The following C1orf87 variants were observed in gnomAD, a reference collection of about 807,000 sequenced individuals.
C1orf87 encodes the protein uncharacterized protein C1orf87.
In C1orf87, 58 loss-of-function variants were observed where a neutral mutation model predicts 60.5. That is an observed-to-expected ratio of 0.96 (90% CI 0.78 to 1.19). The LOEUF (loss-of-function observed/expected upper bound fraction) is 1.19, where lower values mean the gene tolerates loss of function less well. Ranked by LOEUF, C1orf87 falls within the 50% of genes most tolerant of loss-of-function variation. The pLI is 0.00. For synonymous variants in C1orf87, 236 were observed against 227.4 expected, an observed-to-expected ratio of 1.04 and a Z score of -0.34; for missense variants, 673 against 638.6, an observed-to-expected ratio of 1.05 and a Z score of -0.58.
In C1orf87 at chr1:60,002,913, C is replaced by T. The variant is rs1359674715; in HGVS notation, c.1193-1757G>A. On this transcript the variant is annotated intron_variant, in intron 9 of 11. Coordinates refer to ENST00000371201, the MANE Select transcript of C1orf87 (RefSeq NM_152377.3). ...TCAACCATTGTGGAAGTCAGTGTGG[C>T]GATTCCTCAGGGATCTAGAACTGGA... Among the ~76,000 whole-genome samples the T allele has an allele frequency of 1.3e-5, 2 of 150,592 alleles. 1 individual carries two copies.
chr1:59,991,594 G>A (rs991147547), intron 11 of C1orf87, among the ~76,000 whole-genome samples: 1 of 152,086 alleles, frequency 6.6e-6, no homozygotes, highest in African/African-American at 2.4e-5. Flanking sequence ...TGTAGTTGCG[G>A]AATACAAAGA....
intron 8 of C1orf87, among the ~76,000 whole-genome samples, chr1:60,021,029 G>A (rs1207691533): frequency 6.6e-6 from 1 of 152,092 alleles, no homozygotes; most frequent in Non-Finnish European, 1.5e-5. Flanking sequence ...TTAAAACTGT[G>A]GCACTTCCCC....
rs75348361 is a variant in C1orf87, at chr1:60,041,291, C to T, written c.343-160G>A. On this transcript the variant is annotated intron_variant, in intron 3 of 11. Coordinates refer to ENST00000371201, the MANE Select transcript of C1orf87 (RefSeq NM_152377.3). ...ATGTATCATTGAGTCATTGAATCGT[C>T]GTGAAGAAATGTTGCCTTCATACCA... 7.2e-4 allele frequency among the ~76,000 whole-genome samples: 109 copies of T among 152,282 alleles called. 1 individual carries two copies. The East Asian group carries it at 0.012, about 17-fold the overall frequency.
intron 7 of C1orf87, among the ~76,000 whole-genome samples, chr1:60,031,973 A>C (rs1185359456): frequency 1.5e-5 from 2 of 136,546 alleles, no homozygotes; most frequent in Non-Finnish European, 3.2e-5. Flanking sequence ...TTGCATGTAT[A>C]ATATTCAAAC....
intron 7 of C1orf87, 38 bp from the exon 8 acceptor site, chr1:60,025,536 C>T: frequency 7.0e-7 from 1 of 1,433,266 alleles, no homozygotes; most frequent in Non-Finnish European, 9.6e-7. Context: ...TTTGATGTTT[C>T]ACTAGGATAC....
At chr1:60,045,107 A>G (rs1161852383) in intron 3 of C1orf87, among the ~76,000 whole-genome samples, 1 of 152,228 alleles carries the variant, frequency 6.6e-6, no homozygotes. Context: ...TCATCTTAAC[A>G]TTATGCAATG....
intron 2 of C1orf87, among the ~76,000 whole-genome samples, chr1:60,068,345 T>A (rs919263763): frequency 7.2e-5 from 11 of 152,246 alleles, no homozygotes; most frequent in Middle Eastern, 3.2e-3. Flanking sequence ...TTTTAGCTTA[T>A]TTCCCTGCCA....
intron 8 of C1orf87, among the ~76,000 whole-genome samples, chr1:60,013,852 A>G (rs556997856): frequency 2.0e-5 from 3 of 152,000 alleles, no homozygotes; most frequent in Non-Finnish European, 2.9e-5. Flanking sequence ...TCAGGCATAC[A>G]CCTGGTGCAC....
intron 1 of C1orf87, 71 bp from the exon 2 acceptor site, chr1:60,072,741 CA>C: frequency 1.3e-6 from 1 of 745,054 alleles, no homozygotes; most frequent in African/African-American, 1.7e-5. Context: ...TTGCCAATAA[CA>C]ACAAGCAATA....
intron 2 of C1orf87, among the ~76,000 whole-genome samples, chr1:60,059,434 C>T (rs940868914): frequency 3.9e-4 from 59 of 152,270 alleles, no homozygotes; most frequent in African/African-American, 1.4e-3. Context: ...TACTGTGTTC[C>T]TGGATGATAA....
intron 9 of C1orf87, among the ~76,000 whole-genome samples, chr1:60,003,327 G>A (rs568544553): frequency 8.4e-6 from 1 of 119,398 alleles, no homozygotes; most frequent in East Asian, 3.0e-4. Flanking sequence ...TTTGTGGGGT[G>A]GGGGGAGGGG....
chr1:59,992,108 C>A (rs1445137121), intron 11 of C1orf87, among the ~76,000 whole-genome samples: 2 of 152,020 alleles, frequency 1.3e-5, no homozygotes, highest in Non-Finnish European at 2.9e-5. Flanking sequence ...CTTACAATAA[C>A]CCATTTCACA....
intron 10 of C1orf87, among the ~76,000 whole-genome samples, chr1:59,998,725 T>C (rs997025045): frequency 1.3e-5 from 2 of 152,118 alleles, no homozygotes. Flanking sequence ...GAGGTGATTA[T>C]GTGTGAGATA....
chr1:60,064,887 T>G (rs1645530744), intron 2 of C1orf87, among the ~76,000 whole-genome samples: 2 of 91,176 alleles, frequency 2.2e-5, no homozygotes, highest in African/African-American at 9.0e-5. Context: ...TTGTTCTAAA[T>G]AAATATATAT....
rs764005217 is a variant in C1orf87, at chr1:60,041,062, C to T, written c.412G>A (p.Gly138Ser). The change falls in exon 4 of 12, where the codon GGC becomes AGC. Residue 138 changes from glycine (G) to serine (S), a missense_variant. Physicochemically the swap from Gly to Ser is moderately conservative, Grantham distance 56. Coordinates refer to ENST00000371201, the MANE Select transcript of C1orf87 (RefSeq NM_152377.3). Reference sequence around the variant, plus strand: ...TCTCTAAGCTTTCTCCTGGGAATGCCATGCACATAGGATAAGGACTGGTCT... The same window carrying T: ...TCTCTAAGCTTTCTCCTGGGAATGCTATGCACATAGGATAAGGACTGGTCT... Reference protein sequence around the residue: ...TGDQSLSYVHGIPRRKLRDWS... With the variant: ...TGDQSLSYVHSIPRRKLRDWS... 2.9e-5 allele frequency: 47 copies of T among 1,613,290 alleles called. No individual in the cohort carries two copies. The Admixed American group carries it at 7.8e-4, about 27-fold the overall frequency.
At position 60,039,997 on chromosome 1, in the gene C1orf87, A is replaced by G; in HGVS notation, c.667T>C (p.Leu223=). ...LLQSQLSRLF[L]KHEVPLQLPT... Reference sequence around the variant, plus strand: ...AACTGTAGAGGGACTTCATGCTTCAAAAAGAGGCGGCTCAGCTGAGATTGG... The same window carrying G: ...AACTGTAGAGGGACTTCATGCTTCAGAAAGAGGCGGCTCAGCTGAGATTGG... The change falls in exon 5 of 12, where the codon TTG becomes CTG. Residue 223 remains leucine, a synonymous_variant. Transcript: ENST00000371201. 1 of 1,614,180 alleles carries G rather than the reference A, an allele frequency of 6.2e-7. No homozygotes were observed. Among genetic ancestry groups the G allele is most frequent in the Non-Finnish European group, 8.5e-7 (1 of 1,180,020 alleles).
At chr1:60,029,799 C>T (rs1158700494) in intron 7 of C1orf87, among the ~76,000 whole-genome samples, 2 of 151,978 alleles carry the variant, frequency 1.3e-5, no homozygotes, top group Admixed American at 6.6e-5. Flanking sequence ...CGCCACCATG[C>T]CCGGCTAATT....
intron 7 of C1orf87, among the ~76,000 whole-genome samples, chr1:60,028,751 T>C (rs1645216464): frequency 6.6e-6 from 1 of 152,168 alleles, no homozygotes; most frequent in Non-Finnish European, 1.5e-5. Flanking sequence ...ATTTAATGAA[T>C]ACTTTTCAAT....
At chr1:60,013,930 G>C (rs938717470) in intron 8 of C1orf87, among the ~76,000 whole-genome samples, 8 of 152,100 alleles carry the variant, frequency 5.3e-5, no homozygotes, top group Non-Finnish European at 1.0e-4. Context: ...TATTGGTATA[G>C]TATGCCATAA....
Sources: allele counts gnomAD v4.1 joint callset (sites outside exome capture counted in the v4.1 genomes callset), GRCh38; gene constraint gnomAD v4.1.1; transcripts MANE v1.5; gene names NCBI Gene and HGNC (gene_info 2026-07-23, HGNC 2026-07-21).